Variants in PPFIA2 observed in about 807,000 individuals in gnomAD.
PPFIA2 encodes PPFI scaffold protein A2.
PPFIA2 carries 46 observed loss-of-function variants against 175.5 expected under a neutral mutation model. The ratio of observed to expected loss-of-function variants is 0.26; its 90% CI spans 0.21 to 0.34. The LOEUF is 0.34. PPFIA2 is among the 10% of genes least tolerant of loss of function. PPFIA2 has a pLI of 1.00. For missense variants in PPFIA2, 1,179 were observed against 1,506.1 expected (o/e 0.78, Z 3.60); for synonymous variants, 568 against 511.4 (o/e 1.11, Z -1.49).
At chr12:81,289,720 C>G (rs2044391661) in intron 24 of PPFIA2, among the ~76,000 whole-genome samples, 1 of 151,780 alleles carries the variant, frequency 6.6e-6, no homozygotes, top group South Asian at 2.1e-4. Context: ...ATGTGGAACT[C>G]CAGACATTGG....
intron 4 of PPFIA2, among the ~76,000 whole-genome samples, chr12:81,577,898 C>T (rs2153423655): frequency 6.6e-6 from 1 of 151,804 alleles, no homozygotes; most frequent in East Asian, 1.9e-4. Context: ...TTTTCTGGTT[C>T]AGGATTTGGG....
At chr12:81,663,234 A>G (rs1239302541) in intron 4 of PPFIA2, among the ~76,000 whole-genome samples, 1 of 152,192 alleles carries the variant, frequency 6.6e-6, no homozygotes, top group Non-Finnish European at 1.5e-5. Context: ...AATTAGGAAA[A>G]GAGGAAGTCA....
At chr12:81,634,091 C>T (rs2063713688) in intron 4 of PPFIA2, among the ~76,000 whole-genome samples, 1 of 152,024 alleles carries the variant, frequency 6.6e-6, no homozygotes, top group Non-Finnish European at 1.5e-5. Flanking sequence ...TTGCCTCACC[C>T]AATATAGATC....
intron 4 of PPFIA2, among the ~76,000 whole-genome samples, chr12:81,496,829 G>A (rs993619180): frequency 6.6e-6 from 1 of 152,276 alleles, no homozygotes; most frequent in Non-Finnish European, 1.5e-5. Flanking sequence ...GGTTTAATAT[G>A]CTAAAAATGG....
At chr12:81,324,778 T>A (rs553797122) in intron 22 of PPFIA2, among the ~76,000 whole-genome samples, 6 of 149,760 alleles carry the variant, frequency 4.0e-5, no homozygotes, top group African/African-American at 1.5e-4. Flanking sequence ...CTCAAAGTCA[T>A]TTTTTTCTGG....
intron 4 of PPFIA2, among the ~76,000 whole-genome samples, chr12:81,640,320 A>T (rs867629161): frequency 1.3e-5 from 2 of 152,160 alleles, no homozygotes; most frequent in South Asian, 4.1e-4. Flanking sequence ...GAGGAATAAG[A>T]TTCTAACAGT....
At chr12:81,449,428 A>G (rs1273588635) in intron 5 of PPFIA2, among the ~76,000 whole-genome samples, 2 of 151,926 alleles carry the variant, frequency 1.3e-5, no homozygotes, top group African/African-American at 4.8e-5. Flanking sequence ...TTCTACCAGA[A>G]ACACCATCTT....
intron 4 of PPFIA2, among the ~76,000 whole-genome samples, chr12:81,658,163 G>A (rs1238614665): frequency 1.3e-5 from 2 of 151,774 alleles, no homozygotes; most frequent in African/African-American, 4.8e-5. Flanking sequence ...AGCTACTTGG[G>A]AGGCTGAGGC....
At chr12:81,618,454 A>G (rs2061638315) in intron 4 of PPFIA2, among the ~76,000 whole-genome samples, 1 of 151,558 alleles carries the variant, frequency 6.6e-6, no homozygotes, top group Non-Finnish European at 1.5e-5. Context: ...ACTGAAATTT[A>G]CTCATTAATG....
chr12:81,548,541 T>C (rs908617392), intron 4 of PPFIA2, among the ~76,000 whole-genome samples: 1 of 152,092 alleles, frequency 6.6e-6, no homozygotes, highest in East Asian at 1.9e-4. Context: ...ATATGTTACC[T>C]AGACTGCACT....
chr12:81,484,554 G>A (rs1341485356), intron 4 of PPFIA2, among the ~76,000 whole-genome samples: 1 of 151,924 alleles, frequency 6.6e-6, no homozygotes, highest in Non-Finnish European at 1.5e-5. Context: ...TTCACATTCT[G>A]TAATTTAAGT....
intron 3 of PPFIA2, among the ~76,000 whole-genome samples, chr12:81,722,492 T>A (rs2079488832): frequency 6.6e-6 from 1 of 151,136 alleles, no homozygotes; most frequent in Non-Finnish European, 1.5e-5. Flanking sequence ...TATGCTTTTG[T>A]AGTTTCTCCC....
intron 8 of PPFIA2, among the ~76,000 whole-genome samples, chr12:81,385,863 A>G (rs1012452348): frequency 3.9e-5 from 6 of 152,210 alleles, no homozygotes; most frequent in Non-Finnish European, 8.8e-5. Context: ...CTCTCACCAC[A>G]AAAATGATAA....
chr12:81,307,520 A>G (rs1346861526), intron 22 of PPFIA2, among the ~76,000 whole-genome samples: 5 of 152,202 alleles, frequency 3.3e-5, no homozygotes, highest in African/African-American at 1.2e-4. Context: ...TGCAGAAAAG[A>G]TTACAATGTT....
chr12:81,653,964 T>A (rs539404769), intron 4 of PPFIA2, among the ~76,000 whole-genome samples: 4 of 152,094 alleles, frequency 2.6e-5, no homozygotes, highest in African/African-American at 9.6e-5. Context: ...ATAAATATAG[T>A]AATATGTGCG....
intron 9 of PPFIA2, among the ~76,000 whole-genome samples, chr12:81,380,891 C>A (rs1298027941): frequency 6.6e-6 from 1 of 151,268 alleles, no homozygotes; most frequent in Non-Finnish European, 1.5e-5. Context: ...CTTAAAAAAT[C>A]TTTCATAAAC....
intron 4 of PPFIA2, among the ~76,000 whole-genome samples, chr12:81,477,918 C>T (rs971852025): frequency 6.6e-6 from 1 of 151,694 alleles, no homozygotes; most frequent in African/African-American, 2.4e-5. Flanking sequence ...ATGATGCTGG[C>T]CTCATAAAAT....
intron 7 of PPFIA2, among the ~76,000 whole-genome samples, chr12:81,428,513 C>T (rs1485216928): frequency 6.6e-6 from 1 of 151,878 alleles, no homozygotes; most frequent in Non-Finnish European, 1.5e-5. Flanking sequence ...ACAGTACAAT[C>T]ATCAACAGCA....
chr12:81,692,518 A>C (rs557416943), intron 3 of PPFIA2, among the ~76,000 whole-genome samples: 100 of 152,306 alleles, frequency 6.6e-4, no homozygotes, highest in African/African-American at 2.3e-3. Flanking sequence ...TATGTTCACC[A>C]TACAAGTGCT....
Sources: allele counts gnomAD v4.1 joint callset (sites outside exome capture counted in the v4.1 genomes callset), GRCh38; gene constraint gnomAD v4.1.1; transcripts MANE v1.5; gene names NCBI Gene and HGNC (gene_info 2026-07-23, HGNC 2026-07-21).